Variants in RAD51B observed in about 807,000 individuals in gnomAD.
RAD51B encodes the protein RAD51 paralog B.
A neutral mutation model predicts 42.2 loss-of-function variants in RAD51B; 38 were observed. The ratio of observed to expected loss-of-function variants is 0.90; its 90% CI spans 0.70 to 1.18. RAD51B has a LOEUF of 1.18. RAD51B is among the 50% of genes most tolerant of loss of function. The pLI, the probability that RAD51B is intolerant of heterozygous loss-of-function variation, is 0.00. For missense variants in RAD51B, 373 were observed against 400.7 expected (o/e 0.93, Z 0.59); for synonymous variants, 154 against 145.2 (o/e 1.06, Z -0.43).
chr14:67,859,977 C>A (rs1276265219), intron 4 of RAD51B, among the ~76,000 whole-genome samples: 1 of 152,058 alleles, frequency 6.6e-6, no homozygotes, highest in African/African-American at 2.4e-5. Context: ...TGCACCACCA[C>A]GCCTGGCTAA....
intron 7 of RAD51B, among the ~76,000 whole-genome samples, chr14:67,935,258 G>A (rs544615724): frequency 6.6e-6 from 1 of 152,220 alleles, no homozygotes; most frequent in Non-Finnish European, 1.5e-5. Flanking sequence ...GGATGATTAG[G>A]CAATTACTTT....
intron 10 of RAD51B, among the ~76,000 whole-genome samples, chr14:68,486,477 G>T (rs948803752): frequency 5.9e-5 from 9 of 152,310 alleles, no homozygotes; most frequent in African/African-American, 1.9e-4. Flanking sequence ...CAGCTTGAAA[G>T]TTGATACAAA....
chr14:67,833,142 G>A (rs1478162311), intron 3 of RAD51B, among the ~76,000 whole-genome samples: 2 of 152,136 alleles, frequency 1.3e-5, no homozygotes, highest in African/African-American at 2.4e-5. Context: ...TTGGGAGGCC[G>A]AAGTGGTCAG....
intron 8 of RAD51B, among the ~76,000 whole-genome samples, chr14:68,304,410 G>C (rs1445118150): frequency 2.6e-5 from 4 of 152,130 alleles, no homozygotes; most frequent in Admixed American, 2.0e-4. Flanking sequence ...TTCAAACCTA[G>C]AGTCTTGCTC....
At chr14:68,655,078 C>T (rs1421072278) in intron 11 of RAD51B, among the ~76,000 whole-genome samples, 2 of 152,124 alleles carry the variant, frequency 1.3e-5, no homozygotes, top group Non-Finnish European at 2.9e-5. Flanking sequence ...TTCCCCAGCA[C>T]ACCTACACTG....
In RAD51B at chr14:67,829,197, C is replaced by T. The variant is rs553466022; in HGVS notation, c.198+3620C>T. On this transcript the variant is annotated intron_variant, in intron 3 of 10. Transcript: ENST00000471583. ...TGTAGTTCTGCTTGAAGAGGTCCTT[C>T]ACATCCCTTGTTAGCTATATTTATT... Among the ~76,000 whole-genome samples, 3 of 151,976 alleles carry T rather than the reference C, an allele frequency of 2.0e-5. No homozygotes were observed. The East Asian group carries it at 5.8e-4, about 29-fold the overall frequency.
intron 7 of RAD51B, among the ~76,000 whole-genome samples, chr14:68,220,774 A>G (rs2079909002): frequency 6.6e-6 from 1 of 152,178 alleles, no homozygotes; most frequent in African/African-American, 2.4e-5. Context: ...AAGACACAAA[A>G]TTAACATACA....
At chr14:68,381,663 G>T (rs1169257851) in intron 8 of RAD51B, among the ~76,000 whole-genome samples, 4 of 152,176 alleles carry the variant, frequency 2.6e-5, no homozygotes, top group Non-Finnish European at 4.4e-5. Flanking sequence ...TCAGGCGACA[G>T]AGCAAGACTC....
At chr14:67,952,973 G>A (rs1051660465) in intron 7 of RAD51B, among the ~76,000 whole-genome samples, 3 of 151,784 alleles carry the variant, frequency 2.0e-5, no homozygotes, top group Non-Finnish European at 4.4e-5. Context: ...AATTACATTA[G>A]CTGTTTTGTG....
chr14:68,362,294 GAA>G (rs908545126), intron 8 of RAD51B, among the ~76,000 whole-genome samples: 34 of 152,132 alleles, frequency 2.2e-4, no homozygotes, highest in African/African-American at 8.2e-4. Flanking sequence ...AGTAAGCCAA[GAA>G]AAATATGTTA....
chr14:67,978,974 C>T (rs530211663), intron 7 of RAD51B, among the ~76,000 whole-genome samples: 4 of 152,274 alleles, frequency 2.6e-5, no homozygotes, highest in Non-Finnish European at 5.9e-5. Flanking sequence ...GCAAATTGTT[C>T]CTTCCCCCCA....
At chr14:67,971,956 C>A (rs1203966029) in intron 7 of RAD51B, among the ~76,000 whole-genome samples, 2 of 151,424 alleles carry the variant, frequency 1.3e-5, no homozygotes, top group Non-Finnish European at 2.9e-5. Flanking sequence ...AGCATTACCA[C>A]AACAGTGCAT....
chr14:68,377,185 G>A lies in RAD51B; in HGVS notation c.854-34239G>A, dbSNP rs1800100973. On this transcript the variant is annotated intron_variant, in intron 8 of 10. Transcript: ENST00000471583. ...AATCCACCCTATTTTTCTTAGGAAG[G>A]GAAGCAGTTGCCTTAACACCCTGGC... Among the ~76,000 whole-genome samples the A allele has an allele frequency of 5.3e-5, 8 of 152,176 alleles. No individual in the cohort carries two copies. The South Asian group carries it at 1.7e-3, about 31-fold the overall frequency.
At chr14:68,614,827 T>C (rs909078604), downstream of RAD51B, among the ~76,000 whole-genome samples, 5 of 152,266 alleles carry the variant, frequency 3.3e-5, no homozygotes, top group African/African-American at 1.2e-4. Context: ...TGAACATTCA[T>C]ATACAGTGTG....
At chr14:68,156,457 C>CTCTT (rs1329403482) in intron 7 of RAD51B, among the ~76,000 whole-genome samples, 36 of 115,962 alleles carry the variant, frequency 3.1e-4, no homozygotes, top group African/African-American at 1.3e-3. Flanking sequence ...TAGAAAATTT[C>CTCTT]TCTCTCTCTC....
Position 68,150,101 on chromosome 14 carries a change from C to T in RAD51B, c.757-141783C>T, listed in dbSNP as rs564094923. 1.3e-4 allele frequency among the ~76,000 whole-genome samples: 20 copies of T among 152,246 alleles called. No homozygotes were observed. In the South Asian group the frequency reaches 3.1e-3, roughly 24 times the overall value. On this transcript the variant is annotated intron_variant, in intron 7 of 10. Transcript: ENST00000471583. Reference sequence around the variant, plus strand: ...TTGGGATTACAGGTATGCGCCACCACGCCCAGCTAATTTTGTATTTTTAAC... The same window carrying T: ...TTGGGATTACAGGTATGCGCCACCATGCCCAGCTAATTTTGTATTTTTAAC...
intron 7 of RAD51B, among the ~76,000 whole-genome samples, chr14:67,974,917 TG>T (rs1169612174): frequency 6.6e-6 from 1 of 152,234 alleles, no homozygotes; most frequent in Non-Finnish European, 1.5e-5. Flanking sequence ...TATGTGATAC[TG>T]ACTACTAATC....
chr14:68,199,711 A>G (rs947472296), intron 7 of RAD51B, among the ~76,000 whole-genome samples: 31 of 152,100 alleles, frequency 2.0e-4, no homozygotes, highest in African/African-American at 7.5e-4. Flanking sequence ...GTCTACAGCC[A>G]CTCTCCCTCT....
downstream of RAD51B, among the ~76,000 whole-genome samples, chr14:68,599,934 C>G (rs1025360973): frequency 6.6e-6 from 1 of 152,162 alleles, no homozygotes; most frequent in Admixed American, 6.5e-5. Flanking sequence ...GTGGTTGGGC[C>G]TTTGGGGTCT....
Sources: allele counts gnomAD v4.1 joint callset (sites outside exome capture counted in the v4.1 genomes callset), GRCh38; gene constraint gnomAD v4.1.1; transcripts MANE v1.5; gene names NCBI Gene and HGNC (gene_info 2026-07-23, HGNC 2026-07-21).